The following BCL2 variants were observed in gnomAD, a reference collection of about 807,000 sequenced individuals.
The protein encoded by BCL2 is BCL2 apoptosis regulator.
In BCL2, 1 loss-of-function variant was observed where a neutral mutation model predicts 14.2. That is an observed-to-expected ratio of 0.07 (90% CI 0.02 to 0.33). The LOEUF is 0.33. Among genes scored for constraint, BCL2 ranks in the 10% least tolerant of loss-of-function variants. BCL2 has a pLI of 0.99. For synonymous variants in BCL2, 151 were observed against 137.2 expected (o/e 1.10, Z -0.70); for missense variants, 247 against 305.9 (o/e 0.81, Z 1.44).
intron 2 of BCL2, among the ~76,000 whole-genome samples, chr18:63,285,339 T>C (rs1433466532): frequency 1.3e-5 from 2 of 152,164 alleles, no homozygotes; most frequent in East Asian, 3.9e-4. Flanking sequence ...AGGGGCTCTG[T>C]CCTTGCTACC....
At position 63,285,082 on chromosome 18, in the gene BCL2, G is replaced by A. The variant is rs576616222; in HGVS notation, c.585+33000C>T. Among the ~76,000 whole-genome samples, 7 of 152,334 alleles carry A rather than the reference G, an allele frequency of 4.6e-5. No homozygotes were observed. The East Asian group carries it at 7.7e-4, about 17-fold the overall frequency. On this transcript the variant is annotated intron_variant, in intron 2 of 2. Coordinates refer to ENST00000333681, the MANE Select transcript of BCL2 (RefSeq NM_000633.3). Reference sequence around the variant, plus strand: ...CCCTACCTCGCTGTCCTTCAGGGCCGCCCACAGCTGGCTCACCTGCAGCTG... The same window carrying A: ...CCCTACCTCGCTGTCCTTCAGGGCCACCCACAGCTGGCTCACCTGCAGCTG...
chr18:63,193,698 C>T (rs986293735), intron 2 of BCL2, among the ~76,000 whole-genome samples: 1 of 151,564 alleles, frequency 6.6e-6, no homozygotes, highest in African/African-American at 2.4e-5. Flanking sequence ...CGTATCCATG[C>T]ATCTGTGAAA....
chr18:63,273,629 T>C (rs1912064383), intron 2 of BCL2, among the ~76,000 whole-genome samples: 1 of 152,240 alleles, frequency 6.6e-6, no homozygotes, highest in African/African-American at 2.4e-5. Context: ...GGACCTCATT[T>C]TTCGTGTCTA....
At chr18:63,299,436 G>C (rs554342199) in intron 2 of BCL2, among the ~76,000 whole-genome samples, 3 of 152,264 alleles carry the variant, frequency 2.0e-5, no homozygotes, top group African/African-American at 7.2e-5. Flanking sequence ...CTTCACTTGG[G>C]CACCTGACCC....
At chr18:63,311,525 G>A (rs1012044412) in intron 2 of BCL2, among the ~76,000 whole-genome samples, 2 of 152,158 alleles carry the variant, frequency 1.3e-5, no homozygotes, top group Non-Finnish European at 2.9e-5. Flanking sequence ...TGACACAGTG[G>A]GTTCTCGGGT....
chr18:63,146,345 G>A (rs534602849), intron 2 of BCL2, among the ~76,000 whole-genome samples: 68 of 152,362 alleles, frequency 4.5e-4, no homozygotes, highest in African/African-American at 1.6e-3. Flanking sequence ...CTGGCAGAAG[G>A]ACGCTGGTCG....
chr18:63,284,643 A>G (rs1912415088), intron 2 of BCL2, among the ~76,000 whole-genome samples: 3 of 152,142 alleles, frequency 2.0e-5, no homozygotes, highest in Admixed American at 6.5e-5. Context: ...TTGAAATTTT[A>G]AATCCAAAAA....
chr18:63,244,117 T>C (rs904615467), intron 2 of BCL2, among the ~76,000 whole-genome samples: 1 of 152,124 alleles, frequency 6.6e-6, no homozygotes, highest in Non-Finnish European at 1.5e-5. Flanking sequence ...CAGTGGCTCA[T>C]GCTTGTAATC....
At chr18:63,292,863 G>A (rs1427442835) in intron 2 of BCL2, among the ~76,000 whole-genome samples, 4 of 152,256 alleles carry the variant, frequency 2.6e-5, no homozygotes, top group Admixed American at 2.6e-4. Context: ...TCTGCCAACT[G>A]CAGTAGGCAC....
chr18:63,265,793 T>G (rs1166318113), intron 2 of BCL2, among the ~76,000 whole-genome samples: 1 of 152,066 alleles, frequency 6.6e-6, no homozygotes, highest in African/African-American at 2.4e-5. Context: ...CAACGAATAC[T>G]AAATCAGCTA....
intron 2 of BCL2, among the ~76,000 whole-genome samples, chr18:63,288,560 C>T (rs1330438541): frequency 6.6e-6 from 1 of 152,190 alleles, no homozygotes; most frequent in African/African-American, 2.4e-5. Context: ...GTGAAAGTTT[C>T]CATGCTGCAC....
chr18:63,163,705 C>T (rs1830603687), intron 2 of BCL2, among the ~76,000 whole-genome samples: 2 of 152,210 alleles, frequency 1.3e-5, no homozygotes, highest in South Asian at 4.1e-4. Context: ...TGTACAAGCA[C>T]TGATCTAAGC....
At chr18:63,219,318 T>C (rs1398917288) in intron 2 of BCL2, among the ~76,000 whole-genome samples, 1 of 152,164 alleles carries the variant, frequency 6.6e-6, no homozygotes, top group African/African-American at 2.4e-5. Flanking sequence ...AAAGTGATTG[T>C]CCTTTCTCCT....
intron 2 of BCL2, among the ~76,000 whole-genome samples, chr18:63,232,651 A>C (rs1049281410): frequency 6.6e-6 from 1 of 152,260 alleles, no homozygotes. Flanking sequence ...CAAGAGTGGG[A>C]GAAGATGCAG....
intron 2 of BCL2, among the ~76,000 whole-genome samples, chr18:63,156,449 A>C (rs538594639): frequency 4.6e-5 from 7 of 152,192 alleles, no homozygotes; most frequent in African/African-American, 1.7e-4. Context: ...CTAGTGTGAA[A>C]ACCCGAAATG....
chr18:63,176,598 C>G (rs1392809348), intron 2 of BCL2, among the ~76,000 whole-genome samples: 1 of 151,962 alleles, frequency 6.6e-6, no homozygotes, highest in South Asian at 2.1e-4. Context: ...TCTTTTCTTT[C>G]TTTTTTTTAC....
At chr18:63,136,780 G>C (rs931198636) in intron 2 of BCL2, among the ~76,000 whole-genome samples, 3 of 152,172 alleles carry the variant, frequency 2.0e-5, no homozygotes, top group African/African-American at 7.2e-5. Context: ...TGCTCCTATG[G>C]AATGTCAATA....
intron 2 of BCL2, among the ~76,000 whole-genome samples, chr18:63,166,813 T>A (rs989143760): frequency 6.6e-6 from 1 of 152,214 alleles, no homozygotes; most frequent in African/African-American, 2.4e-5. Flanking sequence ...AGGGACACTA[T>A]CGTCTTATAC....
intron 2 of BCL2, among the ~76,000 whole-genome samples, chr18:63,282,177 C>G (rs1403995262): frequency 6.6e-6 from 1 of 152,168 alleles, no homozygotes; most frequent in Middle Eastern, 3.2e-3. Context: ...TAAATGTTAC[C>G]TGACTCAATA....
Sources: allele counts gnomAD v4.1 joint callset (sites outside exome capture counted in the v4.1 genomes callset), GRCh38; gene constraint gnomAD v4.1.1; transcripts MANE v1.5; gene names NCBI Gene and HGNC (gene_info 2026-07-23, HGNC 2026-07-21).